The following GRM7 variants were observed in gnomAD, a reference collection of about 807,000 sequenced individuals.
GRM7 encodes the protein glutamate metabotropic receptor 7.
In GRM7, 35 loss-of-function variants were observed where a neutral mutation model predicts 84.5. The ratio of observed to expected loss-of-function variants is 0.41; its 90% CI spans 0.32 to 0.55. The LOEUF is 0.55. Ranked by LOEUF, GRM7 falls within the 20% of genes least tolerant of loss-of-function variation. The pLI is 0.19. For missense variants in GRM7, 1,003 were observed against 1,194.6 expected (o/e 0.84, Z 2.36); for synonymous variants, 487 against 455.1 (o/e 1.07, Z -0.89).
intron 9 of GRM7, chr3:7,690,945 C>T (rs1175712800): frequency 6.5e-6 from 2 of 305,586 alleles, no homozygotes; most frequent in African/African-American, 2.2e-5. Context: ...CTTTCTTTCC[C>T]CCAATCATTG....
chr3:7,033,522 T>C (rs1696266197), intron 1 of GRM7, among the ~76,000 whole-genome samples: 2 of 152,156 alleles, frequency 1.3e-5, no homozygotes, highest in African/African-American at 4.8e-5. Flanking sequence ...ATGCTCAACA[T>C]ATATATTCTC....
chr3:7,371,408 T>A (rs533098682), intron 4 of GRM7, among the ~76,000 whole-genome samples: 4 of 152,140 alleles, frequency 2.6e-5, no homozygotes, highest in Non-Finnish European at 5.9e-5. Flanking sequence ...CATAATTAAT[T>A]TATAACCAAA....
At chr3:7,387,999 T>C (rs1372282460) in intron 4 of GRM7, among the ~76,000 whole-genome samples, 1 of 152,120 alleles carries the variant, frequency 6.6e-6, no homozygotes, top group Non-Finnish European at 1.5e-5. Flanking sequence ...CATATAGATC[T>C]TTTATCTCCT....
chr3:7,441,888 G>GTATAGCTTGAA (rs1697304700), intron 5 of GRM7, among the ~76,000 whole-genome samples: 2 of 152,078 alleles, frequency 1.3e-5, no homozygotes, highest in South Asian at 2.1e-4. Context: ...TAGCCTTATA[G>GTATAGCTTGAA]TATAGCTTGA....
At chr3:7,623,649 C>G (rs143397957) in intron 8 of GRM7, among the ~76,000 whole-genome samples, 1 of 152,264 alleles carries the variant, frequency 6.6e-6, no homozygotes, top group African/African-American at 2.4e-5. Context: ...CTTGAAGCAT[C>G]TCCTACAACC....
At chr3:7,616,602 T>C (rs1416950791) in intron 8 of GRM7, among the ~76,000 whole-genome samples, 3 of 152,192 alleles carry the variant, frequency 2.0e-5, no homozygotes, top group African/African-American at 7.2e-5. Context: ...AATCATGCAG[T>C]TGTTTTCTGT....
At chr3:7,589,960 TA>T (rs965914314) in intron 8 of GRM7, among the ~76,000 whole-genome samples, 5 of 152,108 alleles carry the variant, frequency 3.3e-5, no homozygotes, top group East Asian at 1.9e-4. Flanking sequence ...CATACAGGTC[TA>T]AAAAAAACCT....
At position 7,336,948 on chromosome 3, in the gene GRM7, A is replaced by G. The variant is rs570098240; in HGVS notation, c.1033+30296A>G. 4.5e-4 allele frequency among the ~76,000 whole-genome samples: 69 copies of G among 152,268 alleles called. 2 individuals are homozygous for G. The highest frequency in any genetic ancestry group is 1.6e-3 in the African/African-American group (65 of 41,572). ...ATGGTCATGAATGGGTAGAATCAATATTGTGAAAATGACCATACTGCCAAA... is the reference window on the plus strand; with the variant it reads ...ATGGTCATGAATGGGTAGAATCAATGTTGTGAAAATGACCATACTGCCAAA... On this transcript the variant is annotated intron_variant, in intron 4 of 9. Transcript: ENST00000357716.
intron 2 of GRM7, among the ~76,000 whole-genome samples, chr3:7,250,280 T>C (rs146767189): frequency 1.3e-5 from 2 of 152,244 alleles, no homozygotes; most frequent in African/African-American, 4.8e-5. Flanking sequence ...TCCTTATAAT[T>C]AGTAATAATC....
At position 6,861,754 on chromosome 3, in the gene GRM7, C is replaced by A; in HGVS notation, c.366C>A (p.Phe122Leu). The A allele has an allele frequency of 6.2e-7, 1 of 1,614,208 alleles. No individual in the cohort carries two copies. ...DTYALEQSLT[F>L]VQALIQKDTS... ...ACGCGCTCGAACAGTCGCTTACTTT[C>A]GTCCAGGCGCTCATCCAGAAGGACA... Residue 122 changes from phenylalanine to leucine, a missense_variant, in exon 1 of 10, where the codon TTC (phenylalanine) becomes TTA (leucine). Physicochemically the swap from Phe to Leu is conservative, Grantham distance 22 (BLOSUM62 0). This residue lies in a region of GRM7 where 910 missense variants were observed against 1,126.0 expected (regional missense o/e 0.81). Transcript: ENST00000357716. This position sits in a 1 kb window ranked among gnomAD's most constrained non-coding sequence, Gnocchi z 6.4.
chr3:6,953,431 T>A (rs991053631), intron 1 of GRM7, among the ~76,000 whole-genome samples: 1 of 152,216 alleles, frequency 6.6e-6, no homozygotes, highest in African/African-American at 2.4e-5. Flanking sequence ...TCTGCTGAAT[T>A]GCTCACCATC....
At chr3:6,967,432 T>TGATC (rs1276288225) in intron 1 of GRM7, among the ~76,000 whole-genome samples, 1 of 152,168 alleles carries the variant, frequency 6.6e-6, no homozygotes, top group African/African-American at 2.4e-5. Context: ...TGGGCTCAAA[T>TGATC]GATCGGCTCA....
At chr3:7,612,115 AT>A (rs1022223123) in intron 8 of GRM7, among the ~76,000 whole-genome samples, 1 of 152,112 alleles carries the variant, frequency 6.6e-6, no homozygotes, top group African/African-American at 2.4e-5. Flanking sequence ...TTGTCATGGT[AT>A]TAATAATATA....
chr3:7,259,723 A>G (rs1217063927), intron 2 of GRM7, among the ~76,000 whole-genome samples: 1 of 152,140 alleles, frequency 6.6e-6, no homozygotes, highest in African/African-American at 2.4e-5. Flanking sequence ...TGTCTTTGCT[A>G]TTGTGAATAG....
At chr3:6,871,507 T>A (rs1055958867) in intron 1 of GRM7, among the ~76,000 whole-genome samples, 3 of 152,130 alleles carry the variant, frequency 2.0e-5, no homozygotes, top group East Asian at 1.9e-4. Flanking sequence ...GCATTTCATG[T>A]ATTTCCTTGA....
intron 2 of GRM7, among the ~76,000 whole-genome samples, chr3:7,164,766 A>G (rs1490521943): frequency 6.6e-6 from 1 of 152,214 alleles, no homozygotes; most frequent in African/African-American, 2.4e-5. Flanking sequence ...TAAGTTGGCC[A>G]CTTCCTGCTG....
chr3:6,925,752 C>T (rs1471143064), intron 1 of GRM7, among the ~76,000 whole-genome samples: 1 of 152,054 alleles, frequency 6.6e-6, no homozygotes, highest in African/African-American at 2.4e-5. Context: ...TATCTGCCTC[C>T]CTGAAGCATC....
chr3:6,968,208 G>A (rs574160004), intron 1 of GRM7, among the ~76,000 whole-genome samples: 3 of 152,112 alleles, frequency 2.0e-5, no homozygotes, highest in Admixed American at 6.5e-5. Context: ...ATAGTCTCTC[G>A]GATTCCTCGG....
rs149090658 is a variant in GRM7 at position 7,476,251 on chromosome 3, C to T, written c.1515+14529C>T. ...AGGATTATTGTGAGAGTTAACAACA[C>T]GAAAAGTGACTAGGGGCTGGGCGCC... is the stretch of plus-strand genomic sequence containing the variant. On this transcript the variant is annotated intron_variant, in intron 7 of 9. Coordinates refer to ENST00000357716, the MANE Select transcript of GRM7 (RefSeq NM_000844.4). 6.0e-3 allele frequency among the ~76,000 whole-genome samples: 918 copies of T among 152,224 alleles called. 4 individuals are homozygous for T. Among genetic ancestry groups the T allele is most frequent in the Admixed American group, 9.3e-3 (142 of 15,290 alleles).
Sources: allele counts gnomAD v4.1 joint callset (sites outside exome capture counted in the v4.1 genomes callset), GRCh38; gene constraint gnomAD v4.1.1; regional missense constraint gnomAD v4.1.1; non-coding constraint Gnocchi (gnomAD v3.1); transcripts MANE v1.5; gene names NCBI Gene and HGNC (gene_info 2026-07-23, HGNC 2026-07-21).